The following DEUP1 variants were observed in gnomAD, a reference collection of about 807,000 sequenced individuals.
DEUP1 encodes deuterosome assembly protein 1.
In DEUP1, 82 loss-of-function variants were observed where a neutral mutation model predicts 87.4. That is an observed-to-expected ratio of 0.94 (90% CI 0.78 to 1.13). The LOEUF (loss-of-function observed/expected upper bound fraction) is 1.13, where lower values mean the gene tolerates loss of function less well. DEUP1 is among the 50% of genes most tolerant of loss of function. The pLI is 0.00. For missense variants in DEUP1, 663 were observed against 681.5 expected (o/e 0.97, Z 0.30); for synonymous variants, 214 against 222.7 (o/e 0.96, Z 0.35).
intron 7 of DEUP1, among the ~76,000 whole-genome samples, chr11:93,376,018 C>T (rs1012189061): frequency 9.2e-5 from 14 of 152,092 alleles, no homozygotes; most frequent in Non-Finnish European, 1.6e-4. Context: ...GGTGCAGTTT[C>T]GGCTCACTGC....
intron 11 of DEUP1, among the ~76,000 whole-genome samples, chr11:93,403,136 A>T (rs1947173917): frequency 6.6e-6 from 1 of 151,956 alleles, no homozygotes; most frequent in Admixed American, 6.6e-5. Flanking sequence ...TCTATTGTGG[A>T]TCAATAAAAG....
intron 9 of DEUP1, among the ~76,000 whole-genome samples, chr11:93,392,131 G>A (rs913638784): frequency 1.3e-5 from 2 of 152,080 alleles, no homozygotes; most frequent in African/African-American, 4.8e-5. Flanking sequence ...TCCATGTTAG[G>A]TCACCCCACT....
chr11:93,386,048 CAA>C (rs1205680678), intron 8 of DEUP1, among the ~76,000 whole-genome samples: 1 of 132,082 alleles, frequency 7.6e-6, no homozygotes, highest in Admixed American at 7.7e-5. Flanking sequence ...GATCCTGTTT[CAA>C]AAAAAAAAAA....
chr11:93,381,779 C>T (rs1231513221), intron 7 of DEUP1, among the ~76,000 whole-genome samples: 6 of 151,830 alleles, frequency 4.0e-5, no homozygotes, highest in Admixed American at 1.3e-4. Flanking sequence ...TCCTACTAGC[C>T]GAATTAAAAG....
At chr11:93,364,950 G>A (rs956307039) in intron 5 of DEUP1, among the ~76,000 whole-genome samples, 4 of 151,886 alleles carry the variant, frequency 2.6e-5, no homozygotes, top group Non-Finnish European at 5.9e-5. Context: ...TCTTCCCTGT[G>A]TTCTTGAGCA....
intron 2 of DEUP1, among the ~76,000 whole-genome samples, chr11:93,347,897 G>C (rs1015019024): frequency 6.6e-6 from 1 of 151,918 alleles, no homozygotes; most frequent in Admixed American, 6.6e-5. Context: ...GTGCCACCAC[G>C]CCTGGCTAAT....
chr11:93,337,644 A>G (rs1198552676), intron 2 of DEUP1, among the ~76,000 whole-genome samples: 1 of 152,204 alleles, frequency 6.6e-6, no homozygotes, highest in Non-Finnish European at 1.5e-5. Flanking sequence ...AAATCCTGAC[A>G]TGTCAAACTT....
At chr11:93,380,226 G>C (rs1361254523) in intron 7 of DEUP1, among the ~76,000 whole-genome samples, 1 of 152,182 alleles carries the variant, frequency 6.6e-6, no homozygotes, top group Non-Finnish European at 1.5e-5. Context: ...TAATTTTGAA[G>C]TGAGTCATTT....
intron 11 of DEUP1, among the ~76,000 whole-genome samples, chr11:93,405,885 G>A (rs962343562): frequency 4.0e-5 from 6 of 151,786 alleles, no homozygotes; most frequent in South Asian, 2.1e-4. Context: ...TTGGAGCTTC[G>A]AAAAAGATGT....
At chr11:93,387,446 AT>A (rs1001347929) in intron 8 of DEUP1, among the ~76,000 whole-genome samples, 3 of 150,600 alleles carry the variant, frequency 2.0e-5, no homozygotes, top group Non-Finnish European at 3.0e-5. Context: ...AGCTTTTTCT[AT>A]TTTTTTTTAG....
intron 2 of DEUP1, among the ~76,000 whole-genome samples, chr11:93,353,203 A>G (rs533183055): frequency 6.6e-6 from 1 of 152,336 alleles, no homozygotes; most frequent in South Asian, 2.1e-4. Context: ...GAGGGGTTAC[A>G]GGCCCCATGC....
At chr11:93,352,541 A>T (rs944291671) in intron 2 of DEUP1, 1 of 613,486 alleles carries the variant, frequency 1.6e-6, no homozygotes, top group Non-Finnish European at 2.9e-6. Flanking sequence ...TAGTAACCTC[A>T]CTGTCTAAAG....
At chr11:93,419,995 G>A (rs906504221) in intron 13 of DEUP1, among the ~76,000 whole-genome samples, 6 of 152,046 alleles carry the variant, frequency 3.9e-5, no homozygotes, top group South Asian at 2.1e-4. Context: ...ACAAGGAGGA[G>A]CTGGTACCCT....
At chr11:93,343,047 G>T (rs2134169511) in intron 2 of DEUP1, among the ~76,000 whole-genome samples, 1 of 152,320 alleles carries the variant, frequency 6.6e-6, no homozygotes, top group South Asian at 2.1e-4. Flanking sequence ...TGTCAGTGTT[G>T]AATAGATGGT....
At chr11:93,382,139 C>T (rs565823321) in intron 7 of DEUP1, among the ~76,000 whole-genome samples, 1 of 152,252 alleles carries the variant, frequency 6.6e-6, no homozygotes, top group South Asian at 2.1e-4. Flanking sequence ...TATTTGCACC[C>T]ACATTCACAA....
At position 93,402,261 on chromosome 11, in the gene DEUP1, G is replaced by C. The variant is rs118105804; in HGVS notation, c.1326+5936G>C. On this transcript the variant is annotated intron_variant, in intron 11 of 13. Coordinates refer to ENST00000298050, the MANE Select transcript of DEUP1 (RefSeq NM_181645.4). ...CAACAGGTATATGAAAAAAAATTCA[G>C]TATCACTAATCATCAGAGAAACGCA... Among the ~76,000 whole-genome samples, 260 of 151,912 alleles carry C rather than the reference G, an allele frequency of 1.7e-3. 2 individuals carry two copies. The highest frequency in any genetic ancestry group is 2.9e-3 in the Non-Finnish European group (196 of 67,790).
At chr11:93,356,905 C>T in intron 3 of DEUP1, 43 bp from the exon 4 acceptor site, 1 of 1,312,778 alleles carries the variant, frequency 7.6e-7, no homozygotes. Flanking sequence ...TTTTGTCAGG[C>T]AAAATTTAGA....
At chr11:93,416,709 T>G (rs920862307) in intron 13 of DEUP1, among the ~76,000 whole-genome samples, 4 of 151,924 alleles carry the variant, frequency 2.6e-5, no homozygotes, top group East Asian at 3.9e-4. Context: ...TACCAAAGCC[T>G]GGCAGAGACA....
chr11:93,338,101 C>T lies in DEUP1; in HGVS notation c.29+5813C>T, dbSNP rs77403342. The stretch of plus-strand genomic sequence containing the variant: ...GAATATTACAGATATGTGATGAGTG[C>T]GTTTGTTCTCTCCCCAAAAGAAAGA... On this transcript the variant is annotated intron_variant, in intron 2 of 13. Transcript: ENST00000298050. 1.8e-3 allele frequency among the ~76,000 whole-genome samples: 267 copies of T among 152,104 alleles called. 6 individuals are homozygous for T. The East Asian group carries it at 0.028, about 16-fold the overall frequency.
Sources: gnomAD v4.1 joint callset for allele counts (sites outside exome capture counted in the v4.1 genomes callset) on GRCh38, gnomAD v4.1.1 for gene constraint, MANE v1.5 for transcripts, NCBI Gene and HGNC (gene_info 2026-07-23, HGNC 2026-07-21) for gene names.